Variants in FARS2 observed in about 807,000 individuals in gnomAD.
FARS2 encodes phenylalanine--tRNA ligase, mitochondrial.
In FARS2, 40 loss-of-function variants were observed where a neutral mutation model predicts 46.4. The ratio of observed to expected loss-of-function variants is 0.86; its 90% CI spans 0.67 to 1.12. The LOEUF is 1.12. Among genes scored for constraint, FARS2 ranks in the 50% most tolerant of loss-of-function variants. FARS2 has a pLI of 0.00. For missense variants in FARS2, 513 were observed against 567.9 expected (o/e 0.90, Z 0.98); for synonymous variants, 234 against 214.9 (o/e 1.09, Z -0.78).
chr6:5,291,675 G>A lies in FARS2; in HGVS notation c.-22+30015G>A, dbSNP rs546487448. On this transcript the variant is annotated intron_variant, in intron 1 of 6. Coordinates refer to ENST00000274680, the MANE Select transcript of FARS2 (RefSeq NM_006567.5). ...TCTCAGCTACTAGAGAGGCTAAGAC[G>A]GGAGTCCAGGAGTTTGAGGCTAAAG... Among the ~76,000 whole-genome samples, 36 of 151,954 alleles carry A rather than the reference G, an allele frequency of 2.4e-4. No homozygotes were observed. The South Asian group carries it at 6.7e-3, about 28-fold the overall frequency.
intron 4 of FARS2, among the ~76,000 whole-genome samples, chr6:5,503,078 A>G (rs1456394816): frequency 6.6e-6 from 1 of 152,080 alleles, no homozygotes; most frequent in Non-Finnish European, 1.5e-5. Context: ...ATGGAGAACA[A>G]TGTTTTAATA....
intron 1 of FARS2, among the ~76,000 whole-genome samples, chr6:5,278,812 T>C (rs1766516583): frequency 6.6e-6 from 1 of 152,204 alleles, no homozygotes; most frequent in African/African-American, 2.4e-5. Flanking sequence ...AGAGGTTCTG[T>C]TTTCTCTCTC....
chr6:5,259,826 T>TA (rs950041770), upstream of FARS2, among the ~76,000 whole-genome samples: 10 of 149,792 alleles, frequency 6.7e-5, no homozygotes, highest in East Asian at 2.0e-4. Flanking sequence ...AAAACAAATC[T>TA]AAAAAAAAAT....
chr6:5,622,770 C>A (rs901367716), intron 6 of FARS2, among the ~76,000 whole-genome samples: 1 of 152,202 alleles, frequency 6.6e-6, no homozygotes, highest in Non-Finnish European at 1.5e-5. Flanking sequence ...GTGAGAAATG[C>A]GTTTCTATTG....
At chr6:5,527,351 C>A (rs1031489107) in intron 4 of FARS2, among the ~76,000 whole-genome samples, 3 of 152,240 alleles carry the variant, frequency 2.0e-5, no homozygotes, top group Admixed American at 2.0e-4. Flanking sequence ...TATTCAATTT[C>A]CTTTCCCTTC....
chr6:5,498,742 C>T (rs1767619485), intron 4 of FARS2, among the ~76,000 whole-genome samples: 1 of 152,154 alleles, frequency 6.6e-6, no homozygotes, highest in Admixed American at 6.5e-5. Flanking sequence ...GATTGAATTC[C>T]TGTTTCTTTA....
chr6:5,541,439 T>G (rs1561698472), intron 4 of FARS2, among the ~76,000 whole-genome samples: 1 of 152,194 alleles, frequency 6.6e-6, no homozygotes, highest in Non-Finnish European at 1.5e-5. Context: ...AGAGAAAATT[T>G]CCATCTCCTG....
At chr6:5,760,045 G>A (rs56167565) in intron 6 of FARS2, among the ~76,000 whole-genome samples, 3,695 of 152,196 alleles carry the variant, frequency 0.024, 157 homozygotes, top group African/African-American at 0.084. Context: ...ACTGTTTGTC[G>A]AGAGATGGTG....
chr6:5,689,874 T>C (rs1757558620), intron 6 of FARS2, among the ~76,000 whole-genome samples: 1 of 152,210 alleles, frequency 6.6e-6, no homozygotes, highest in South Asian at 2.1e-4. Flanking sequence ...TTTATGAATC[T>C]GGGTGCTCCT....
At chr6:5,543,187 G>T (rs755123949) in intron 4 of FARS2, among the ~76,000 whole-genome samples, 1 of 152,152 alleles carries the variant, frequency 6.6e-6, no homozygotes, top group Non-Finnish European at 1.5e-5. Context: ...TATAGCCTGT[G>T]TTCCCATTTG....
chr6:5,723,094 T>A (rs140952768), intron 6 of FARS2, among the ~76,000 whole-genome samples: 8 of 152,144 alleles, frequency 5.3e-5, no homozygotes, highest in African/African-American at 9.6e-5. Context: ...GTTCCGGTTC[T>A]GGGGGTGAGT....
At chr6:5,359,453 A>G (rs1004743744) in intron 1 of FARS2, among the ~76,000 whole-genome samples, 1 of 152,156 alleles carries the variant, frequency 6.6e-6, no homozygotes, top group Non-Finnish European at 1.5e-5. Flanking sequence ...TTAAAAAGAC[A>G]TTGTCTGCAC....
chr6:5,466,798 T>C, intron 4 of FARS2: 1 of 985,340 alleles, frequency 1.0e-6, no homozygotes, highest in Non-Finnish European at 1.2e-6. Flanking sequence ...GTGCAGGAAG[T>C]TGTTACCCAC....
rs912338323 is a variant in FARS2, at chr6:5,331,664, G to A, written c.-21-36886G>A. 2.0e-5 allele frequency among the ~76,000 whole-genome samples: 3 copies of A among 152,156 alleles called. No homozygotes were observed. The East Asian group carries it at 5.8e-4, about 29-fold the overall frequency. On this transcript the variant is annotated intron_variant, in intron 1 of 6. Coordinates refer to ENST00000274680, the MANE Select transcript of FARS2 (RefSeq NM_006567.5). ...CTGGTATTGTTACTGGGTCAGAGTGGGGTTGAGTCTGAAAGGCAGAGCGAG... is the reference window on the plus strand; with the variant it reads ...CTGGTATTGTTACTGGGTCAGAGTGAGGTTGAGTCTGAAAGGCAGAGCGAG...
At chr6:5,633,262 CTTTTTTT>C (rs59797062) in intron 6 of FARS2, among the ~76,000 whole-genome samples, 4 of 50,048 alleles carry the variant, frequency 8.0e-5, no homozygotes, top group Non-Finnish European at 7.3e-5. Flanking sequence ...CCATCCCTGG[CTTTTTTT>C]TTTTTTTTTT....
chr6:5,562,264 A>G (rs980698085), intron 5 of FARS2, among the ~76,000 whole-genome samples: 1 of 152,024 alleles, frequency 6.6e-6, no homozygotes, highest in Non-Finnish European at 1.5e-5. Flanking sequence ...CCAACTTTTT[A>G]CGGCATCCTC....
At chr6:5,320,284 C>G (rs1210328734) in intron 1 of FARS2, among the ~76,000 whole-genome samples, 2 of 152,294 alleles carry the variant, frequency 1.3e-5, no homozygotes, top group Middle Eastern at 3.4e-3. Context: ...CTGCTGCTCT[C>G]CAGAGAGATC....
intron 2 of FARS2, among the ~76,000 whole-genome samples, chr6:5,372,010 G>A (rs1310188321): frequency 6.6e-6 from 1 of 151,944 alleles, no homozygotes; most frequent in Non-Finnish European, 1.5e-5. Context: ...AAGAAAGTTG[G>A]TACAGCAATA....
intron 1 of FARS2, among the ~76,000 whole-genome samples, chr6:5,262,671 A>G (rs570565021): frequency 5.3e-5 from 8 of 152,236 alleles, no homozygotes; most frequent in Non-Finnish European, 1.0e-4. Context: ...GCATCCAGAT[A>G]TTCTTACTAA....
Sources: allele counts gnomAD v4.1 joint callset (sites outside exome capture counted in the v4.1 genomes callset), GRCh38; gene constraint gnomAD v4.1.1; transcripts MANE v1.5; gene names NCBI Gene and HGNC (gene_info 2026-07-23, HGNC 2026-07-21).